Variants in ABCG5 observed in about 807,000 individuals in gnomAD.
ABCG5 encodes ATP-binding cassette sub-family G member 5.
In ABCG5, 64 loss-of-function variants were observed where a neutral mutation model predicts 64.5. The ratio of observed to expected loss-of-function variants is 0.99; its 90% confidence interval spans 0.81 to 1.22. The LOEUF is 1.22. Ranked by LOEUF, ABCG5 falls within the 50% of genes most tolerant of loss-of-function variation. The pLI, the probability that ABCG5 is intolerant of heterozygous loss-of-function variation, is 0.00. For missense variants in ABCG5, 908 were observed against 829.5 expected, an observed-to-expected ratio of 1.09 and a Z score of -1.16; for synonymous variants, 385 against 326.3, an observed-to-expected ratio of 1.18 and a Z score of -1.94.
chr2:43,813,277 T>C lies in ABCG5; in HGVS notation c.1795A>G (p.Met599Val). ...SSNVSVTTNP[M>V]CAFTQGIQFI... is the part of the protein sequence containing the mutation. ...TGAATTCCTTGAGTGAAGGCACACA[T>C]TGGATTAGTTGTCACAGAAACATTT... The change falls in exon 13 of 13, where the codon ATG becomes GTG. Residue 599 changes from methionine to valine, a missense_variant. By Grantham distance (21) the Met-to-Val change is conservative. Coordinates refer to ENST00000405322, the MANE Select transcript of ABCG5 (RefSeq NM_022436.3). 6.2e-7 allele frequency: 1 copy of C among 1,613,796 alleles called. No homozygotes were observed. Among genetic ancestry groups the C allele is most frequent in the Non-Finnish European group, 8.5e-7 (1 of 1,179,846 alleles).
intron 5 of ABCG5, 24 bp downstream of exon 5, chr2:43,827,959 G>T (rs1572779159): frequency 6.2e-7 from 1 of 1,613,562 alleles, no homozygotes; most frequent in Non-Finnish European, 8.5e-7. Flanking sequence ...ACAGCAGCTA[G>T]TAACAGTTCT....
intron 6 of ABCG5, 42 bp downstream of exon 6, chr2:43,826,340 C>G: frequency 6.2e-7 from 1 of 1,612,960 alleles, no homozygotes; most frequent in South Asian, 1.1e-5. Context: ...ATTCCCAGCT[C>G]AACACACCAT....
chr2:43,812,758 T>TA lies in ABCG5; in HGVS notation c.*357dup, dbSNP rs886056027. On this transcript the variant is annotated 3_prime_UTR_variant, in exon 13 of 13. Coordinates refer to ENST00000405322, the MANE Select transcript of ABCG5 (RefSeq NM_022436.3). The stretch of plus-strand genomic sequence containing the variant: ...AACATTTTATTTTTGCCTAATCCTT[T>TA]ATCCAATGTAAACATATTTTTAAGC... The TA allele has an allele frequency of 8.7e-6, 2 of 231,050 alleles. No individual in the cohort carries two copies. The highest frequency in any genetic ancestry group is 1.4e-4 in the South Asian group (2 of 14,552). 14.3% of individuals were successfully genotyped at this position (231,050 alleles called of 1,614,324 possible).
chr2:43,814,372 T>G lies in ABCG5; in HGVS notation c.1762+105A>C. The G allele has an allele frequency of 3.9e-6, 3 of 760,378 alleles. No homozygotes were observed. The South Asian group carries it at 4.8e-5, about 12-fold the overall frequency. The allele number at this position is 760,378 out of a possible 1,614,324, so 47.1% of individuals were successfully genotyped here. On this transcript the variant is annotated intron_variant, in intron 12 of 12. Transcript: ENST00000405322. ...TGTATTTCAAAACAGAGTTTTAAAT[T>G]GAATTATTATAAAACACAGTTTTTA...
chr2:43,831,991 G>A lies in ABCG5; in HGVS notation c.358C>T (p.Leu120=). The part of the protein sequence containing the change: ...LGEVYVNGRA[L]RREQFQDCFS... The stretch of plus-strand genomic sequence containing the variant: ...CAGTCCTGGAACTGCTCCCGGCGCA[G>A]CGCCCGGCCGTTCACATACACCTCC... Residue 120 remains leucine, a synonymous_variant, in exon 3 of 13, where the codon CTG becomes TTG. Transcript: ENST00000405322. The A allele has an allele frequency of 1.3e-6, 2 of 1,555,270 alleles. No individual in the cohort carries two copies. Among genetic ancestry groups the A allele is most frequent in the Non-Finnish European group, 1.7e-6 (2 of 1,149,428 alleles).
At chr2:43,823,767 T>G in intron 9 of ABCG5, 146 bp downstream of exon 9, 1 of 854,842 alleles carries the variant, frequency 1.2e-6, no homozygotes, top group Non-Finnish European at 1.8e-6. Flanking sequence ...AACTCAATAG[T>G]TGCCTTTCCC....
chr2:43,812,963 G>T lies in ABCG5; in HGVS notation c.*153C>A, dbSNP rs922810299. 3.6e-5 allele frequency: 24 copies of T among 660,940 alleles called. No individual in the cohort carries two copies. The highest frequency in any genetic ancestry group is 2.8e-6 in the Non-Finnish European group (1 of 362,446). The allele number at this position is 660,940 out of a possible 1,614,324, so 40.9% of individuals were successfully genotyped here. A position where few individuals can be genotyped will look rare whatever the true frequency, so the allele number is the denominator to read the frequency against. On this transcript the variant is annotated 3_prime_UTR_variant, in exon 13 of 13. Transcript: ENST00000405322. ...ACCACTTCCATTGCATTCAAGGCCT[G>T]CTTGGATCCAAGAGGCACAAATGGA...
rs1418182935 is a variant in ABCG5 at position 43,837,849 on chromosome 2, T to C, written c.250A>G (p.Ile84Val). 1 of 1,613,982 alleles carries C rather than the reference T, an allele frequency of 6.2e-7. No individual in the cohort carries two copies. The highest frequency in any genetic ancestry group is 1.3e-5 in the African/African-American group (1 of 74,942). Residue 84 changes from isoleucine (I) to valine (V), a missense_variant, in exon 2 of 13, where the codon ATC (isoleucine) becomes GTC (valine). Transcript: ENST00000405322. ...CCAAGCTTACCTGAGCTTCCTAGGA[T>C]GCACATGATCTGCCCGCTCTCCACG... ...LYVESGQIMCILGSSGSGKTT... is the reference protein window; with the variant it reads ...LYVESGQIMCVLGSSGSGKTT...
chr2:43,822,760 G>T, intron 10 of ABCG5, 37 bp downstream of exon 10: 5 of 1,613,828 alleles, frequency 3.1e-6, no homozygotes, highest in Non-Finnish European at 4.2e-6. Context: ...ATGACTCCAT[G>T]GGAGCCCGGC....
chr2:43,810,776 G>A (rs751879257), downstream of ABCG5, among the ~76,000 whole-genome samples: 10 of 152,128 alleles, frequency 6.6e-5, no homozygotes, highest in African/African-American at 1.4e-4. Context: ...TTTAGCACAC[G>A]TTTCTTGCTG....
chr2:43,813,716 T>G (rs1296073749), intron 12 of ABCG5, among the ~76,000 whole-genome samples: 4 of 123,486 alleles, frequency 3.2e-5, no homozygotes, highest in Admixed American at 8.1e-5. Context: ...TTCGTTTTTT[T>G]TTTTTTTTTT....
rs1454183075 is a variant in ABCG5 at position 43,831,859 on chromosome 2, G to A, written c.411C>T (p.Thr137=). 2 of 1,578,078 alleles carry A rather than the reference G, an allele frequency of 1.3e-6. No homozygotes were observed. Among genetic ancestry groups the A allele is most frequent in the Admixed American group, 3.7e-5 (2 of 53,636 alleles). Residue 137 remains threonine (T), a synonymous_variant, in exon 4 of 13, where the codon ACC becomes ACT. Transcript: ENST00000405322. Reference sequence around the variant, plus strand: ...CGCGCACGGTGAGGCTGCTCAGCAGGGTGTCGCTCTGCAGGAGACTCGGGC... The same window carrying A: ...CGCGCACGGTGAGGCTGCTCAGCAGAGTGTCGCTCTGCAGGAGACTCGGGC... ...DCFSYVLQSD[T]LLSSLTVRET... is the part of the protein sequence containing the mutation.
At chr2:43,831,399 C>G (rs1667937927) in intron 4 of ABCG5, among the ~76,000 whole-genome samples, 1 of 152,184 alleles carries the variant, frequency 6.6e-6, no homozygotes, top group Non-Finnish European at 1.5e-5. Flanking sequence ...TCTCAAACTT[C>G]TAGACTCAAG....
downstream of ABCG5, among the ~76,000 whole-genome samples, chr2:43,808,368 C>T (rs533581162): frequency 6.6e-6 from 1 of 151,898 alleles, no homozygotes; most frequent in Non-Finnish European, 1.5e-5. Flanking sequence ...ATGAAAGGTA[C>T]GCTCTGCAAT....
rs368123646 is a variant in ABCG5 at position 43,824,292 on chromosome 2, T to A, written c.1045A>T (p.Lys349Ter). 1.2e-6 allele frequency: 2 copies of A among 1,614,090 alleles called. No individual in the cohort carries two copies. Among genetic ancestry groups the A allele is most frequent in the African/African-American group, 2.7e-5 (2 of 74,918 alleles). The change falls in exon 8 of 13, where the codon AAA (lysine) becomes TAA (stop). Residue 349 changes from lysine (K) to a stop codon, truncating the protein, a stop_gained. Transcript: ENST00000405322. LOFTEE classifies it high-confidence loss of function. ...LKNIERMKHL[K>*]TLPMVPFKTK... The stretch of plus-strand genomic sequence containing the variant: ...TTGAAAGGAACCATTGGTAACGTTT[T>A]CAGGTGTTTCATTCTTTCAATATTC...
At chr2:43,813,883 T>G (rs1666648473) in intron 12 of ABCG5, among the ~76,000 whole-genome samples, 1 of 151,864 alleles carries the variant, frequency 6.6e-6, no homozygotes, top group Non-Finnish European at 1.5e-5. Flanking sequence ...CACGCCTGGC[T>G]AATTTTTGTA....
At position 43,826,480 on chromosome 2, in the gene ABCG5, T is replaced by G. The variant is rs747516136; in HGVS notation, c.676A>C (p.Met226Leu). ...FDEPTTGLDC[M>L]TANQIVVLLV... is the part of the protein sequence containing the mutation. ...AGGACGACAATCTGATTAGCAGTCA[T>G]GCAGTCCAGGCCTGTGGTTGGCTCA... is the stretch of plus-strand genomic sequence containing the variant. Residue 226 changes from methionine to leucine, a missense_variant, in exon 6 of 13, where the codon ATG becomes CTG. Transcript: ENST00000405322. 1 of 1,614,212 alleles carries G rather than the reference T, an allele frequency of 6.2e-7. No homozygotes were observed. The highest frequency in any genetic ancestry group is 8.5e-7 in the Non-Finnish European group (1 of 1,180,040).
chr2:43,821,066 G>C (rs895430905), intron 10 of ABCG5, among the ~76,000 whole-genome samples: 1 of 152,058 alleles, frequency 6.6e-6, no homozygotes, highest in African/African-American at 2.4e-5. Flanking sequence ...TGACCATTAG[G>C]CATGGCTGCT....
rs371609600 is a variant in ABCG5, at chr2:43,824,206, G to A, written c.1118+13C>T. The A allele has an allele frequency of 2.5e-6, 4 of 1,614,110 alleles. No homozygotes were observed. Among genetic ancestry groups the A allele is most frequent in the Non-Finnish European group, 8.5e-7 (1 of 1,179,960 alleles). ...CCTCTAACAGGCATTTCTCACATTT[G>A]TGAGCCTCTTACCTCAGGAGAACAC... On this transcript the variant is annotated intron_variant, in intron 8 of 12. Transcript: ENST00000405322.
Sources: allele counts gnomAD v4.1 joint callset (sites outside exome capture counted in the v4.1 genomes callset), GRCh38; gene constraint gnomAD v4.1.1; transcripts MANE v1.5; gene names NCBI Gene and HGNC (gene_info 2026-07-23, HGNC 2026-07-21).